UBE2E2: variants seen among roughly 807,000 people sequenced by gnomAD.
UBE2E2 encodes ubiquitin conjugating enzyme E2 E2.
Under a neutral mutation model 24.7 loss-of-function variants are expected in UBE2E2, and 6 were observed. That is an observed-to-expected ratio of 0.24 (90% CI 0.13 to 0.48). The LOEUF is 0.48. Among genes scored for constraint, UBE2E2 ranks in the 20% least tolerant of loss-of-function variants. UBE2E2 has a pLI of 0.99. For synonymous variants in UBE2E2, 104 were observed against 83.6 expected, an observed-to-expected ratio of 1.24 and a Z score of -1.33; for missense variants, 169 against 245.0, an observed-to-expected ratio of 0.69 and a Z score of 2.07.
chr3:23,368,483 C>G (rs917949185), intron 3 of UBE2E2, among the ~76,000 whole-genome samples: 3 of 151,982 alleles, frequency 2.0e-5, no homozygotes, highest in African/African-American at 7.3e-5. Context: ...TTCCAAAACA[C>G]TATGTCTTTC....
At position 23,589,141 on chromosome 3, in the gene UBE2E2, A is replaced by T. The variant is rs1333293847; in HGVS notation, c.509-593A>T. On this transcript the variant is annotated intron_variant, in intron 5 of 5. Transcript: ENST00000396703. The surrounding 1 kb of genome is among the most constrained non-coding windows in gnomAD (Gnocchi z 4.1). ...TTCTCCGTGAAATATCTACTTGAAG[A>T]CAGGCATCTCACACCTGTAATCCCA... Among the ~76,000 whole-genome samples the T allele has an allele frequency of 6.6e-6, 1 of 152,104 alleles. No homozygotes were observed. The highest frequency in any genetic ancestry group is 2.4e-5 in the African/African-American group (1 of 41,432).
At chr3:23,306,796 C>T (rs890005700) in intron 3 of UBE2E2, among the ~76,000 whole-genome samples, 1 of 152,162 alleles carries the variant, frequency 6.6e-6, no homozygotes, top group Admixed American at 6.5e-5. Flanking sequence ...CCTTGCTCAA[C>T]TGATGGGTGC....
intron 5 of UBE2E2, among the ~76,000 whole-genome samples, chr3:23,546,301 G>A (rs969661697): frequency 6.6e-6 from 1 of 151,886 alleles, no homozygotes; most frequent in Non-Finnish European, 1.5e-5. Context: ...ACCTATTTTT[G>A]TTGTCATTGT....
chr3:23,350,887 G>T (rs919883270), intron 3 of UBE2E2, among the ~76,000 whole-genome samples: 1 of 152,066 alleles, frequency 6.6e-6, no homozygotes, highest in Non-Finnish European at 1.5e-5. Context: ...TACAGAGAAC[G>T]CCTCAAAGAT....
chr3:23,227,164 T>A (rs1002209482), intron 3 of UBE2E2, among the ~76,000 whole-genome samples: 2 of 152,152 alleles, frequency 1.3e-5, no homozygotes, highest in Non-Finnish European at 2.9e-5. Context: ...GATCTTAAAA[T>A]TGATAATACA....
At chr3:23,445,913 A>G (rs1187598799) in intron 3 of UBE2E2, among the ~76,000 whole-genome samples, 1 of 152,194 alleles carries the variant, frequency 6.6e-6, no homozygotes, top group East Asian at 1.9e-4. Context: ...CCCAAGGATC[A>G]GCATTGTGAC....
At chr3:23,353,097 T>A (rs1256620136) in intron 3 of UBE2E2, among the ~76,000 whole-genome samples, 7 of 152,194 alleles carry the variant, frequency 4.6e-5, no homozygotes, top group Non-Finnish European at 7.3e-5. Flanking sequence ...AATCAATAAA[T>A]GTACTCCAGC....
At chr3:23,304,745 C>G (rs186549954) in intron 3 of UBE2E2, among the ~76,000 whole-genome samples, 138 of 152,286 alleles carry the variant, frequency 9.1e-4, no homozygotes, top group African/African-American at 3.2e-3. Flanking sequence ...TATGTGGAAT[C>G]TGAAATCATA....
intron 5 of UBE2E2, among the ~76,000 whole-genome samples, chr3:23,534,527 G>A (rs1444833557): frequency 6.6e-6 from 1 of 152,144 alleles, no homozygotes; most frequent in East Asian, 1.9e-4. Context: ...AAGAGAATTT[G>A]TAAAATACAT....
chr3:23,370,927 T>C lies in UBE2E2; in HGVS notation c.228-128681T>C, dbSNP rs530882369. 1.2e-4 allele frequency among the ~76,000 whole-genome samples: 19 copies of C among 152,340 alleles called. No homozygotes were observed. The East Asian group carries it at 3.5e-3, about 28-fold the overall frequency. On this transcript the variant is annotated intron_variant, in intron 3 of 5. Coordinates refer to ENST00000396703, the MANE Select transcript of UBE2E2 (RefSeq NM_152653.4). ...AAAAGAAAAATGAGGCTGTTGCTTA[T>C]AAAACTTGAAAACGTTTAAAAGATT...
At chr3:23,351,113 A>G (rs1452623071) in intron 3 of UBE2E2, among the ~76,000 whole-genome samples, 3 of 152,254 alleles carry the variant, frequency 2.0e-5, no homozygotes, top group Non-Finnish European at 2.9e-5. Flanking sequence ...TTTTCAGCCC[A>G]TAATTTCATA....
chr3:23,411,810 A>G (rs1029315856), intron 3 of UBE2E2, among the ~76,000 whole-genome samples: 6 of 152,126 alleles, frequency 3.9e-5, no homozygotes, highest in African/African-American at 1.4e-4. Context: ...ACTACCTTCT[A>G]AGGGTTCAGT....
rs139098310 is a variant in UBE2E2, at chr3:23,205,041, A to G, written c.-9+1577A>G. Among the ~76,000 whole-genome samples the G allele has an allele frequency of 2.6e-3, 403 of 152,322 alleles. 7 individuals carry two copies. The highest frequency in any genetic ancestry group is 4.0e-4 in the Non-Finnish European group (27 of 68,022). ...TTTATGGAACATGTGAGTTTCATTC[A>G]CTGTATGTTGCTAATTTCCAGGACT... On this transcript the variant is annotated intron_variant, in intron 1 of 5. Transcript: ENST00000396703.
At chr3:23,214,390 A>C (rs1696416137) in intron 2 of UBE2E2, among the ~76,000 whole-genome samples, 1 of 151,896 alleles carries the variant, frequency 6.6e-6, no homozygotes, top group African/African-American at 2.4e-5. Flanking sequence ...AGTAACTGGG[A>C]CTATAAGCAC....
At chr3:23,566,297 T>G (rs1428500101) in intron 5 of UBE2E2, among the ~76,000 whole-genome samples, 1 of 152,188 alleles carries the variant, frequency 6.6e-6, no homozygotes, top group East Asian at 1.9e-4. Context: ...GAATGCATCT[T>G]TATGCATAGC....
intron 3 of UBE2E2, among the ~76,000 whole-genome samples, chr3:23,228,424 G>A (rs1286104867): frequency 6.6e-6 from 1 of 152,036 alleles, no homozygotes; most frequent in African/African-American, 2.4e-5. Flanking sequence ...TTTAGAGATA[G>A]GAAGTGTCAT....
At chr3:23,500,975 C>G (rs898355047) in intron 4 of UBE2E2, among the ~76,000 whole-genome samples, 2 of 152,152 alleles carry the variant, frequency 1.3e-5, no homozygotes, top group East Asian at 3.9e-4. Flanking sequence ...CCACCAAGAG[C>G]TTGCATTTGG....
At chr3:23,398,968 C>T (rs1162732753) in intron 3 of UBE2E2, among the ~76,000 whole-genome samples, 2 of 152,130 alleles carry the variant, frequency 1.3e-5, no homozygotes, top group Admixed American at 6.6e-5. Flanking sequence ...GCCCTTTATA[C>T]GTGGGGATAT....
chr3:23,386,516 G>T (rs764527554), intron 3 of UBE2E2, among the ~76,000 whole-genome samples: 2 of 152,146 alleles, frequency 1.3e-5, no homozygotes, highest in Admixed American at 6.5e-5. Context: ...CTTAAAAGGC[G>T]TGAGTTTATT....
Sources: gnomAD v4.1 joint callset for allele counts (sites outside exome capture counted in the v4.1 genomes callset) on GRCh38, gnomAD v4.1.1 for gene constraint, Gnocchi (gnomAD v3.1) non-coding constraint, MANE v1.5 for transcripts, NCBI Gene and HGNC (gene_info 2026-07-23, HGNC 2026-07-21) for gene names.